SPC24: variants seen among roughly 807,000 people sequenced by gnomAD.
SPC24 encodes SPC24 component of NDC80 kinetochore complex.
Under a neutral mutation model 27.6 loss-of-function variants are expected in SPC24, and 31 were observed. That is an observed-to-expected ratio of 1.12 (90% CI 0.84 to 1.52). SPC24 has a LOEUF of 1.52. Ranked by LOEUF, SPC24 falls within the 40% of genes most tolerant of loss-of-function variation. SPC24 has a pLI of 0.00. For synonymous variants in SPC24, 105 were observed against 105.8 expected, an observed-to-expected ratio of 0.99 and a Z score of 0.05; for missense variants, 284 against 252.5, an observed-to-expected ratio of 1.12 and a Z score of -0.84.
chr19:11,148,350 A>T (rs2077845288), intron 2 of SPC24, among the ~76,000 whole-genome samples: 1 of 152,018 alleles, frequency 6.6e-6, no homozygotes, highest in Non-Finnish European at 1.5e-5. Flanking sequence ...TGGGATTACA[A>T]GCACACACCA....
Position 11,146,941 on chromosome 19 carries a change from GT to G in SPC24, c.*241del, listed in dbSNP as rs1365708832. 8.0e-6 allele frequency: 2 copies of G among 251,394 alleles called. No homozygotes were observed. Among genetic ancestry groups the G allele is most frequent in the African/African-American group, 4.6e-5 (2 of 43,630 alleles). 15.6% of individuals were successfully genotyped at this position (251,394 alleles called of 1,614,324 possible). A position where few individuals can be genotyped will look rare whatever the true frequency, so the allele number is the denominator to read the frequency against. Reference sequence around the variant, plus strand: ...ACCAAATACAAAAAATTAGCTGGGTGTGGTGGCGCATGCCTGTAATCCCAGC... The same window carrying G: ...ACCAAATACAAAAAATTAGCTGGGTGGGTGGCGCATGCCTGTAATCCCAGC... On this transcript the variant is annotated 3_prime_UTR_variant, in exon 5 of 5. Coordinates refer to ENST00000592540, the MANE Select transcript of SPC24 (RefSeq NM_182513.4).
intron 1 of SPC24, among the ~76,000 whole-genome samples, chr19:11,151,144 C>G (rs989092377): frequency 8.6e-6 from 1 of 115,958 alleles, no homozygotes; most frequent in African/African-American, 3.5e-5. Flanking sequence ...GCCTGGGCGA[C>G]AGAGCCAGAC....
Position 11,147,084 on chromosome 19 carries a change from A to C in SPC24, c.*99T>G. ...AACAAGAGTGAAACTCTGTCTCAAAAAAAAAAAAAAAAAGATCTATGTCCC... is the reference window on the plus strand; with the variant it reads ...AACAAGAGTGAAACTCTGTCTCAAACAAAAAAAAAAAAAGATCTATGTCCC... On this transcript the variant is annotated 3_prime_UTR_variant, in exon 5 of 5. Coordinates refer to ENST00000592540, the MANE Select transcript of SPC24 (RefSeq NM_182513.4). 1.5e-6 allele frequency: 1 copy of C among 665,890 alleles called. No individual in the cohort carries two copies. The highest frequency in any genetic ancestry group is 2.3e-6 in the Non-Finnish European group (1 of 428,642). 41.2% of individuals were successfully genotyped at this position (665,890 alleles called of 1,614,324 possible).
intron 1 of SPC24, among the ~76,000 whole-genome samples, chr19:11,155,054 C>A (rs1227008031): frequency 6.6e-6 from 1 of 152,098 alleles, no homozygotes; most frequent in East Asian, 1.9e-4. Flanking sequence ...AGTGCGGTGG[C>A]AAGCGCCTGT....
rs1369294435 is a variant in SPC24 at position 11,146,698 on chromosome 19, GC to G, written c.*484del. 1.3e-5 allele frequency: 2 copies of G among 151,124 alleles called. No homozygotes were observed. The highest frequency in any genetic ancestry group is 2.9e-5 in the Non-Finnish European group (2 of 67,932). The allele number at this position is 151,124 out of a possible 1,614,324, so 9.4% of individuals were successfully genotyped here. A position where few individuals can be genotyped will look rare whatever the true frequency, so the allele number is the denominator to read the frequency against. On this transcript the variant is annotated 3_prime_UTR_variant, in exon 5 of 5. Coordinates refer to ENST00000592540, the MANE Select transcript of SPC24 (RefSeq NM_182513.4). ...GAGAATGGCGTGAACCCGGGAGGAG[GC>G]GGAGCTTGCAGTGAGCTGAGATCGC...
At position 11,147,608 on chromosome 19, in the gene SPC24, A is replaced by G. The variant is rs1208603554; in HGVS notation, c.487+210T>C. 2.0e-5 allele frequency: 12 copies of G among 588,862 alleles called. No individual in the cohort carries two copies. The East Asian group carries it at 2.3e-4, about 11-fold the overall frequency. 36.5% of individuals were successfully genotyped at this position (588,862 alleles called of 1,614,324 possible). On this transcript the variant is annotated intron_variant, in intron 4 of 4. Transcript: ENST00000592540. Reference sequence around the variant, plus strand: ...CACACTTGGCCTGCTATACTTTACTATATTTATTATAGACGTGGGGTCTCA... The same window carrying G: ...CACACTTGGCCTGCTATACTTTACTGTATTTATTATAGACGTGGGGTCTCA...
intron 3 of SPC24, 36 bp from the exon 4 acceptor site, chr19:11,147,930 A>AAG (rs2077840383): frequency 1.4e-6 from 1 of 697,014 alleles, no homozygotes. Flanking sequence ...AAAAAAAAAA[A>AAG]GAAAGTTACC....
At position 11,146,143 on chromosome 19, in the gene SPC24, C is replaced by T. The variant is rs2077821458; in HGVS notation, c.*1040G>A. The T allele has an allele frequency of 3.3e-5, 5 of 152,138 alleles. No individual in the cohort carries two copies. The highest frequency in any genetic ancestry group is 3.3e-4 in the Admixed American group (5 of 15,244). The allele number at this position is 152,138 out of a possible 1,614,324, so 9.4% of individuals were successfully genotyped here. ...GTGTGGCTCCTGTCGCAATCTGGAC[C>T]TCTCTCCAGTTCTAGAGTGTTGTCT... On this transcript the variant is annotated 3_prime_UTR_variant, in exon 5 of 5. Coordinates refer to ENST00000592540, the MANE Select transcript of SPC24 (RefSeq NM_182513.4).
rs141362757 is a variant in SPC24, at chr19:11,149,281, C to T, written c.161-43G>A. The T allele has an allele frequency of 1.3e-5, 19 of 1,423,928 alleles. No homozygotes were observed. In the African/African-American group the frequency reaches 2.6e-4, roughly 20 times the overall value. The allele number at this position is 1,423,928 out of a possible 1,614,324, so 88.2% of individuals were successfully genotyped here. On this transcript the variant is annotated intron_variant, in intron 1 of 4. Coordinates refer to ENST00000592540, the MANE Select transcript of SPC24 (RefSeq NM_182513.4). ...GCAGGCTCCCTAGGGTCTGTCCTTC[C>T]CCAAGGAGAGCAGAGAGAAGGTGGT...
chr19:11,155,558 C>T, intron 1 of SPC24, 59 bp downstream of exon 1: 2 of 1,501,588 alleles, frequency 1.3e-6, no homozygotes, highest in Admixed American at 2.2e-5. Flanking sequence ...GCCTGGTCGC[C>T]CCCTCCCAGC....
chr19:11,153,309 G>A (rs774427114), intron 1 of SPC24, among the ~76,000 whole-genome samples: 35 of 151,686 alleles, frequency 2.3e-4, no homozygotes, highest in Non-Finnish European at 3.5e-4. Flanking sequence ...AAAATTAGCC[G>A]GGCGTGGTGG....
At position 11,155,674 on chromosome 19, in the gene SPC24, C is replaced by G. The variant is rs1011843194; in HGVS notation, c.103G>C (p.Glu35Gln). The G allele has an allele frequency of 6.4e-7, 1 of 1,558,928 alleles. No homozygotes were observed. Among genetic ancestry groups the G allele is most frequent in the South Asian group, 1.2e-5 (1 of 85,638 alleles). The change falls in exon 1 of 5, where the codon GAG becomes CAG. Residue 35 changes from glutamate (E) to glutamine (Q), a missense_variant. Transcript: ENST00000592540. ...TCCAGCAGCCGCTCCACCACCTGCT[C>G]GTGGCGCCCCAGCAGCCGTCGCTGC... ...AQQRRLLGRHEQVVERLLETQ... is the reference protein window; with the variant it reads ...AQQRRLLGRHQQVVERLLETQ...
Position 11,147,888 on chromosome 19 carries a change from C to T in SPC24, c.417G>A (p.Val139=), listed in dbSNP as rs772814795. 1.7e-5 allele frequency: 26 copies of T among 1,564,378 alleles called. No homozygotes were observed. In the South Asian group the frequency reaches 2.9e-4, roughly 18 times the overall value. The part of the protein sequence containing the change: ...TTVTIPSAVY[V]AQLYHQVSKI... Reference sequence around the variant, plus strand: ...TACTAACTTGGTGGTAAAGTTGAGCCACGTACCTGTACAGGAAGACAAAAA... The same window carrying T: ...TACTAACTTGGTGGTAAAGTTGAGCTACGTACCTGTACAGGAAGACAAAAA... Residue 139 remains valine, a synonymous_variant, in exon 4 of 5, where the codon GTG becomes GTA. Transcript: ENST00000592540.
At chr19:11,149,639 C>T (rs1286818587) in intron 1 of SPC24, among the ~76,000 whole-genome samples, 1 of 151,348 alleles carries the variant, frequency 6.6e-6, no homozygotes, top group Non-Finnish European at 1.5e-5. Flanking sequence ...CCAGAACTTT[C>T]GGAGGCCGAA....
chr19:11,148,958 G>T, intron 2 of SPC24, 136 bp downstream of exon 2: 2 of 817,952 alleles, frequency 2.4e-6, no homozygotes, highest in Non-Finnish European at 1.8e-6. Flanking sequence ...TGTTGTCCAG[G>T]CTGGTCTCCA....
intron 1 of SPC24, among the ~76,000 whole-genome samples, chr19:11,152,872 G>A (rs1232142836): frequency 2.0e-5 from 3 of 151,888 alleles, no homozygotes; most frequent in South Asian, 4.2e-4. Context: ...GCAGTCAGGC[G>A]GCTGCTGAGC....
At position 11,147,908 on chromosome 19, in the gene SPC24, CAAA is replaced by C. The variant is rs58845884; in HGVS notation, c.411-17_411-15del. The C allele has an allele frequency of 6.1e-3, 6,646 of 1,092,296 alleles. No homozygotes were observed. The highest frequency in any genetic ancestry group is 8.3e-3 in the East Asian group (296 of 35,690). The allele number at this position is 1,092,296 out of a possible 1,614,324, so 67.7% of individuals were successfully genotyped here. On this transcript the variant is annotated splice_polypyrimidine_tract_variant and intron_variant, in intron 3 of 4. Coordinates refer to ENST00000592540, the MANE Select transcript of SPC24 (RefSeq NM_182513.4). ...TGAGCCACGTACCTGTACAGGAAGA[CAAA>C]AAAAAAAAAAAAAAAAAAAGAAAGT...
At chr19:11,152,757 G>A (rs567854303) in intron 1 of SPC24, among the ~76,000 whole-genome samples, 2 of 152,186 alleles carry the variant, frequency 1.3e-5, no homozygotes, top group African/African-American at 4.8e-5. Flanking sequence ...AGGAGGGGGA[G>A]TTAATGGAGG....
In SPC24 at chr19:11,148,076, G is replaced by A. The variant is rs562042068; in HGVS notation, c.347C>T (p.Ala116Val). 1.5e-5 allele frequency: 24 copies of A among 1,613,794 alleles called. No individual in the cohort carries two copies. Among genetic ancestry groups the A allele is most frequent in the African/African-American group, 5.3e-5 (4 of 75,002 alleles). Residue 116 changes from alanine (A) to valine (V), a missense_variant, in exon 3 of 5, where the codon GCG (alanine) becomes GTG (valine). Physicochemically the swap from Ala to Val is moderately conservative, Grantham distance 64 (BLOSUM62 0). Coordinates refer to ENST00000592540, the MANE Select transcript of SPC24 (RefSeq NM_182513.4). The part of the protein sequence containing the change: ...RELEELKEIE[A>V]DLERQEKEVD... ...CTCCTTCTCCTGTCGCTCCAGATCC[G>A]CCTCAATCTCCTTGAGCTCTTCCAG...
Sources: gnomAD v4.1 joint callset for allele counts (sites outside exome capture counted in the v4.1 genomes callset) on GRCh38, gnomAD v4.1.1 for gene constraint, MANE v1.5 for transcripts, NCBI Gene and HGNC (gene_info 2026-07-23, HGNC 2026-07-21) for gene names.